TTBK2: variants seen among roughly 807,000 people sequenced by gnomAD.
TTBK2 encodes tau tubulin kinase 2.
Under a neutral mutation model 110.8 loss-of-function variants are expected in TTBK2, and 28 were observed. That is an observed-to-expected ratio of 0.25 (90% CI 0.19 to 0.35). TTBK2 has a LOEUF of 0.35. Ranked by LOEUF, TTBK2 falls within the 10% of genes least tolerant of loss-of-function variation. TTBK2 has a pLI of 1.00. For synonymous variants in TTBK2, 532 were observed against 527.3 expected (o/e 1.01, Z -0.12); for missense variants, 1,369 against 1,500.3 (o/e 0.91, Z 1.45).
chr15:42,769,378 A>G (rs554056496), intron 13 of TTBK2, among the ~76,000 whole-genome samples: 2 of 152,374 alleles, frequency 1.3e-5, no homozygotes, highest in African/African-American at 4.8e-5. Context: ...CAAAGGGCTA[A>G]TATCCAAAAT....
At chr15:42,916,193 C>G (rs2031078251) in intron 1 of TTBK2, among the ~76,000 whole-genome samples, 1 of 152,092 alleles carries the variant, frequency 6.6e-6, no homozygotes, top group African/African-American at 2.4e-5. Context: ...TATTATCTAC[C>G]ATATAATTTA....
At position 42,827,630 on chromosome 15, in the gene TTBK2, G is replaced by C. The variant is rs75965595; in HGVS notation, c.537+298C>G. Among the ~76,000 whole-genome samples, 268 of 152,182 alleles carry C rather than the reference G, an allele frequency of 1.8e-3. 4 individuals carry two copies. The highest frequency in any genetic ancestry group is 8.1e-3 in the South Asian group (39 of 4,828). ...GAGTGGATTAAAAAGTACAATAACC[G>C]AAATAGAATTATAGCATGTAGAAAG... On this transcript the variant is annotated intron_variant, in intron 6 of 14. Transcript: ENST00000267890.
intron 1 of TTBK2, among the ~76,000 whole-genome samples, chr15:42,914,649 T>C (rs1337111316): frequency 2.6e-5 from 4 of 152,248 alleles, no homozygotes; most frequent in African/African-American, 9.6e-5. Flanking sequence ...TGAAAGAACT[T>C]GTCTAAAGCT....
At chr15:42,808,215 G>A (rs16957185) in intron 9 of TTBK2, among the ~76,000 whole-genome samples, 3,378 of 152,312 alleles carry the variant, frequency 0.022, 112 homozygotes, top group African/African-American at 0.068. Context: ...TGATGTCAAA[G>A]TGAACAGCAG....
chr15:42,810,207 T>C (rs1595935270), intron 9 of TTBK2, among the ~76,000 whole-genome samples: 1 of 152,296 alleles, frequency 6.6e-6, no homozygotes, highest in Admixed American at 6.5e-5. Context: ...CTGACCGCTG[T>C]CCCATAGCAT....
intron 1 of TTBK2, among the ~76,000 whole-genome samples, chr15:42,881,754 C>T (rs182460135): frequency 6.0e-4 from 91 of 151,888 alleles, no homozygotes; most frequent in African/African-American, 2.2e-3. Flanking sequence ...GCCTGTAATC[C>T]CAGCTACTCG....
At chr15:42,911,961 T>TACAC (rs10545933) in intron 1 of TTBK2, among the ~76,000 whole-genome samples, 20 of 149,852 alleles carry the variant, frequency 1.3e-4, no homozygotes, top group East Asian at 7.8e-4. Flanking sequence ...ATGAGTTAAA[T>TACAC]ACACACACAC....
At chr15:42,836,166 T>G (rs890168408) in intron 4 of TTBK2, among the ~76,000 whole-genome samples, 27 of 151,768 alleles carry the variant, frequency 1.8e-4, no homozygotes, top group African/African-American at 5.8e-4. Flanking sequence ...AAAAAAAAAA[T>G]GTGTACAACT....
chr15:42,851,091 T>TA (rs2141047269), intron 3 of TTBK2, among the ~76,000 whole-genome samples: 1 of 150,722 alleles, frequency 6.6e-6, no homozygotes, highest in East Asian at 1.9e-4. Flanking sequence ...AATAAAAAAA[T>TA]AAAAAAATTA....
chr15:42,799,490 G>A (rs893691799), intron 9 of TTBK2, among the ~76,000 whole-genome samples: 13 of 152,102 alleles, frequency 8.5e-5, no homozygotes, highest in African/African-American at 3.1e-4. Context: ...CTGGAGTGCA[G>A]TGGTGTGATC....
intron 11 of TTBK2, among the ~76,000 whole-genome samples, chr15:42,779,938 C>T (rs926771443): frequency 3.3e-5 from 5 of 151,856 alleles, no homozygotes; most frequent in Non-Finnish European, 5.9e-5. Flanking sequence ...GAGATCGCAC[C>T]GCTGCACTCC....
intron 1 of TTBK2, among the ~76,000 whole-genome samples, chr15:42,886,106 A>G (rs1895235280): frequency 6.6e-6 from 1 of 151,856 alleles, no homozygotes. Flanking sequence ...TTTCTGTCCT[A>G]TCTGTTCCTT....
intron 1 of TTBK2, among the ~76,000 whole-genome samples, chr15:42,900,250 C>A (rs931294658): frequency 6.6e-6 from 1 of 151,944 alleles, no homozygotes; most frequent in Non-Finnish European, 1.5e-5. Flanking sequence ...CCTCAGCCTC[C>A]CAAAGTGCTG....
At chr15:42,819,704 T>C (rs1407773079) in intron 6 of TTBK2, among the ~76,000 whole-genome samples, 1 of 152,170 alleles carries the variant, frequency 6.6e-6, no homozygotes, top group Non-Finnish European at 1.5e-5. Flanking sequence ...ATATTCTCCA[T>C]TTGATTGATG....
intron 14 of TTBK2, among the ~76,000 whole-genome samples, chr15:42,746,770 T>C (rs926220193): frequency 2.0e-5 from 3 of 151,964 alleles, no homozygotes; most frequent in Non-Finnish European, 2.9e-5. Context: ...GTCTTCAACA[T>C]GAACTACACT....
intron 1 of TTBK2, among the ~76,000 whole-genome samples, chr15:42,888,866 C>G (rs940562470): frequency 6.6e-6 from 1 of 152,180 alleles, no homozygotes; most frequent in African/African-American, 2.4e-5. Context: ...AGCTAGCATT[C>G]CAACTTCTGT....
chr15:42,917,326 T>C (rs1271226276), intron 1 of TTBK2, among the ~76,000 whole-genome samples: 2 of 152,016 alleles, frequency 1.3e-5, no homozygotes, highest in African/African-American at 4.8e-5. Context: ...TCACATGACA[T>C]TAATGAAAAT....
intron 13 of TTBK2, among the ~76,000 whole-genome samples, chr15:42,769,824 G>A (rs535364466): frequency 1.3e-5 from 2 of 152,252 alleles, no homozygotes; most frequent in South Asian, 4.1e-4. Flanking sequence ...GTTTATTGTG[G>A]CACTATTCAC....
chr15:42,774,538 T>C (rs540953975), intron 13 of TTBK2, among the ~76,000 whole-genome samples: 97 of 152,264 alleles, frequency 6.4e-4, no homozygotes, highest in African/African-American at 2.3e-3. Flanking sequence ...ATGCCGCCTC[T>C]ACCTGCTTGT....
Sources: gnomAD v4.1 joint callset for allele counts (sites outside exome capture counted in the v4.1 genomes callset) on GRCh38, gnomAD v4.1.1 for gene constraint, MANE v1.5 for transcripts, NCBI Gene and HGNC (gene_info 2026-07-23, HGNC 2026-07-21) for gene names.